SLC16A12: variants seen among roughly 807,000 people sequenced by gnomAD.
SLC16A12 encodes monocarboxylate transporter 12.
SLC16A12 carries 17 observed loss-of-function variants against 42.4 expected under a neutral mutation model. The ratio of observed to expected loss-of-function variants is 0.40; its 90% CI spans 0.27 to 0.60. SLC16A12 has a LOEUF of 0.60. Among genes scored for constraint, SLC16A12 ranks in the 20% least tolerant of loss-of-function variants. The pLI is 0.42. For synonymous variants in SLC16A12, 224 were observed against 229.4 expected (o/e 0.98, Z 0.21); for missense variants, 544 against 623.0 (o/e 0.87, Z 1.35).
At chr10:89,531,506 T>C (rs1470389087) in intron 2 of SLC16A12, among the ~76,000 whole-genome samples, 3 of 152,182 alleles carry the variant, frequency 2.0e-5, no homozygotes, top group Admixed American at 6.5e-5. Flanking sequence ...AGTATACAAA[T>C]TTATTAAGAT....
chr10:89,539,869 C>CTTTCTTTCTTTCTTTCTT (rs1843701633), upstream of SLC16A12, among the ~76,000 whole-genome samples: 6 of 140,792 alleles, frequency 4.3e-5, no homozygotes, highest in African/African-American at 1.7e-4. Flanking sequence ...TTCTTTCTTT[C>CTTTCTTTCTTTCTTTCTT]TTTCTTTCTT....
intron 3 of SLC16A12, chr10:89,456,013 G>A (rs1842183397): frequency 6.6e-6 from 1 of 152,178 alleles, no homozygotes; most frequent in African/African-American, 2.4e-5. Context: ...AGGCCAGTAT[G>A]ACTGCTGTCT....
At chr10:89,449,066 C>T (rs1371159520) in intron 3 of SLC16A12, among the ~76,000 whole-genome samples, 1 of 152,172 alleles carries the variant, frequency 6.6e-6, no homozygotes, top group African/African-American at 2.4e-5. Context: ...TGAAGGACCT[C>T]TTCAGGGAAA....
chr10:89,527,806 A>G (rs1843479900), intron 2 of SLC16A12, among the ~76,000 whole-genome samples: 1 of 142,448 alleles, frequency 7.0e-6, no homozygotes, highest in Admixed American at 7.0e-5. Flanking sequence ...CATCTCTTAA[A>G]AAAAAAAAGA....
intron 2 of SLC16A12, among the ~76,000 whole-genome samples, chr10:89,544,201 T>C (rs1014236298): frequency 6.6e-6 from 1 of 152,242 alleles, no homozygotes; most frequent in Non-Finnish European, 1.5e-5. Context: ...CAAGTTTCTC[T>C]AGCTGAGTGC....
At chr10:89,506,911 T>C (rs1263550160) in intron 2 of SLC16A12, among the ~76,000 whole-genome samples, 3 of 151,778 alleles carry the variant, frequency 2.0e-5, no homozygotes, top group African/African-American at 7.3e-5. Context: ...AAACGCAGCA[T>C]AAGAACTTAG....
intron 6 of SLC16A12, among the ~76,000 whole-genome samples, chr10:89,437,360 T>C (rs150979360): frequency 3.6e-4 from 55 of 152,314 alleles, no homozygotes; most frequent in Admixed American, 5.2e-4. Flanking sequence ...TTTACAAACA[T>C]TTTTCTACTC....
Position 89,532,128 on chromosome 10 carries a change from C to T in SLC16A12, c.-47+2373G>A, listed in dbSNP as rs953154579. Among the ~76,000 whole-genome samples, 5 of 152,166 alleles carry T rather than the reference C, an allele frequency of 3.3e-5. 1 individual carries two copies. Among genetic ancestry groups the T allele is most frequent in the African/African-American group, 1.2e-4 (5 of 41,416 alleles). On this transcript the variant is annotated intron_variant, in intron 2 of 7. Coordinates refer to ENST00000371790, the MANE Select transcript of SLC16A12 (RefSeq NM_213606.4). ...AATCTTTTAATAAGAAGTAGAAGTT[C>T]AATAAATATTCATTAAATTAATAAA...
chr10:89,463,595 A>G (rs12359459), intron 2 of SLC16A12, among the ~76,000 whole-genome samples: 15,880 of 152,216 alleles, frequency 0.1, 914 homozygotes, highest in South Asian at 0.2. Context: ...AACTAATAAA[A>G]CAAACCAAGA....
Position 89,436,155 on chromosome 10 carries a change from G to T in SLC16A12, c.1193C>A (p.Thr398Asn). The change falls in exon 7 of 8, where the codon ACC becomes AAC. Residue 398 changes from threonine (T) to asparagine (N), a missense_variant. Transcript: ENST00000371790. ...AGAGGTGGTCCCCACTATCTCTGTG[G>T]TCACTACTGGGATCAAAGTCACATA... Reference protein sequence around the residue: ...GAYVTLIPVVTTEIVGTTSLS... With the variant: ...GAYVTLIPVVNTEIVGTTSLS... 3.7e-6 allele frequency: 6 copies of T among 1,614,074 alleles called. No individual in the cohort carries two copies. The highest frequency in any genetic ancestry group is 5.1e-6 in the Non-Finnish European group (6 of 1,179,984).
At chr10:89,448,720 C>T (rs1842043633) in intron 3 of SLC16A12, among the ~76,000 whole-genome samples, 1 of 152,176 alleles carries the variant, frequency 6.6e-6, no homozygotes, top group African/African-American at 2.4e-5. Context: ...CCTCTCTCAC[C>T]ACTCCTATTT....
intron 2 of SLC16A12, among the ~76,000 whole-genome samples, chr10:89,530,906 T>C (rs1472865399): frequency 6.6e-6 from 1 of 152,236 alleles, no homozygotes; most frequent in African/African-American, 2.4e-5. Context: ...GGACATTTCA[T>C]ATAAATCATA....
intron 2 of SLC16A12, among the ~76,000 whole-genome samples, chr10:89,465,512 T>C (rs1402986457): frequency 6.6e-6 from 1 of 152,192 alleles, no homozygotes; most frequent in East Asian, 1.9e-4. Context: ...CTTAACACTC[T>C]GGAGCTTCAG....
intron 3 of SLC16A12, among the ~76,000 whole-genome samples, chr10:89,451,057 T>A (rs1360919734): frequency 6.6e-6 from 1 of 152,240 alleles, no homozygotes; most frequent in East Asian, 1.9e-4. Context: ...TGGATTAGCA[T>A]GGCGTCCTCA....
At chr10:89,503,356 A>T (rs952282704) in intron 2 of SLC16A12, among the ~76,000 whole-genome samples, 5 of 152,218 alleles carry the variant, frequency 3.3e-5, no homozygotes, top group Admixed American at 2.6e-4. Context: ...CAATGAATGC[A>T]ATGCCCTTTA....
At chr10:89,462,302 A>C in intron 3 of SLC16A12, 77 bp downstream of exon 3, 1 of 1,593,074 alleles carries the variant, frequency 6.3e-7, no homozygotes, top group Non-Finnish European at 8.6e-7. Flanking sequence ...TGATGGGTTC[A>C]GAAAGAGAAT....
At chr10:89,523,108 C>G (rs907373813) in intron 2 of SLC16A12, among the ~76,000 whole-genome samples, 1 of 152,100 alleles carries the variant, frequency 6.6e-6, no homozygotes, top group African/African-American at 2.4e-5. Flanking sequence ...TATTTTGAAC[C>G]TAGACCTTTT....
At chr10:89,527,878 AAATCTTCAG>A (rs1472624865) in intron 2 of SLC16A12, among the ~76,000 whole-genome samples, 1 of 152,070 alleles carries the variant, frequency 6.6e-6, no homozygotes, top group Non-Finnish European at 1.5e-5. Context: ...TCTACTAGAT[AAATCTTCAG>A]AATCTGTATC....
At chr10:89,496,259 A>G (rs1225639514) in intron 2 of SLC16A12, among the ~76,000 whole-genome samples, 3 of 152,108 alleles carry the variant, frequency 2.0e-5, no homozygotes, top group Admixed American at 2.0e-4. Context: ...AGAGGTCAAG[A>G]AAACATAATG....
Sources: gnomAD v4.1 joint callset for allele counts (sites outside exome capture counted in the v4.1 genomes callset) on GRCh38, gnomAD v4.1.1 for gene constraint, MANE v1.5 for transcripts, NCBI Gene and HGNC (gene_info 2026-07-23, HGNC 2026-07-21) for gene names.